Variants in SMC5 observed in about 807,000 individuals in gnomAD.
SMC5 encodes structural maintenance of chromosomes protein 5.
A neutral mutation model predicts 148.3 loss-of-function variants in SMC5; 88 were observed. That is an observed-to-expected ratio of 0.59 (90% CI 0.50 to 0.71). The LOEUF is 0.71. Ranked by LOEUF, SMC5 falls within the 30% of genes least tolerant of loss-of-function variation. The probability of loss-of-function intolerance (pLI) is 0.00; values close to 1 mark genes in which losing one functional copy is unlikely to be tolerated. For missense variants in SMC5, 1,142 were observed against 1,298.9 expected (o/e 0.88, Z 1.86); for synonymous variants, 421 against 432.8 (o/e 0.97, Z 0.34).
intron 10 of SMC5, among the ~76,000 whole-genome samples, chr9:70,304,688 A>C (rs982906835): frequency 6.6e-6 from 1 of 152,212 alleles, no homozygotes; most frequent in Non-Finnish European, 1.5e-5. Context: ...CTGTCTCAAA[A>C]AAATAAAAAA....
Position 70,353,307 on chromosome 9 carries a change from T to G in SMC5, c.*976T>G, listed in dbSNP as rs957568623. On this transcript the variant is annotated 3_prime_UTR_variant, in exon 25 of 25. Transcript: ENST00000361138. ...TTAGAACTTAAGCCTATAGGGCCTT[T>G]CTTACAATGTTGATGTACCCATTAT... 6 of 152,182 alleles carry G rather than the reference T, an allele frequency of 3.9e-5. No homozygotes were observed. The highest frequency in any genetic ancestry group is 1.4e-4 in the African/African-American group (6 of 41,448). 9.4% of individuals were successfully genotyped at this position (152,182 alleles called of 1,614,324 possible).
intron 24 of SMC5, among the ~76,000 whole-genome samples, chr9:70,351,743 G>T (rs1009025246): frequency 1.3e-5 from 2 of 152,112 alleles, no homozygotes; most frequent in African/African-American, 4.8e-5. Context: ...AAGGATTACA[G>T]TCTGGCAAGG....
chr9:70,310,162 A>G (rs2035620465), intron 11 of SMC5, among the ~76,000 whole-genome samples: 1 of 152,168 alleles, frequency 6.6e-6, no homozygotes, highest in African/African-American at 2.4e-5. Flanking sequence ...AATCTTTTTT[A>G]GAAGGCTTTT....
chr9:70,269,626 C>T (rs2034390766), intron 3 of SMC5, among the ~76,000 whole-genome samples: 2 of 152,064 alleles, frequency 1.3e-5, no homozygotes, highest in Non-Finnish European at 1.5e-5. Flanking sequence ...TAAATTAATA[C>T]ATACATTTGA....
chr9:70,304,981 A>G (rs2035458400), intron 10 of SMC5, among the ~76,000 whole-genome samples: 1 of 152,220 alleles, frequency 6.6e-6, no homozygotes, highest in South Asian at 2.1e-4. Flanking sequence ...TGAGTTGACT[A>G]GAAAGGAACT....
Position 70,300,027 on chromosome 9 carries a change from T to C in SMC5, c.1310-19T>C, listed in dbSNP as rs779280511. ...AAATTTTCAGAGAAACAAGACTTTGTTTTGTTTTACAATTTTAGGTGTGGA... is the reference window on the plus strand; with the variant it reads ...AAATTTTCAGAGAAACAAGACTTTGCTTTGTTTTACAATTTTAGGTGTGGA... On this transcript the variant is annotated intron_variant, in intron 9 of 24. Transcript: ENST00000361138. The C allele has an allele frequency of 5.8e-6, 9 of 1,542,020 alleles. No homozygotes were observed. In the Admixed American group the frequency reaches 1.4e-4, roughly 24 times the overall value.
In SMC5 at chr9:70,352,538, G is replaced by A. The variant is rs1328422702; in HGVS notation, c.*207G>A. 2.1e-6 allele frequency: 1 copy of A among 483,746 alleles called. No homozygotes were observed. The highest frequency in any genetic ancestry group is 3.6e-6 in the Non-Finnish European group (1 of 278,710). The allele number at this position is 483,746 out of a possible 1,614,324, so 30.0% of individuals were successfully genotyped here. The stretch of plus-strand genomic sequence containing the variant: ...AAAAGTTAAGTCTTCTTCAGTCTTG[G>A]TTGAACTTGAGTTCTTGGCACTCTG... On this transcript the variant is annotated 3_prime_UTR_variant, in exon 25 of 25. Transcript: ENST00000361138.
chr9:70,266,411 C>T (rs1332894248), intron 2 of SMC5, among the ~76,000 whole-genome samples: 1 of 152,136 alleles, frequency 6.6e-6, no homozygotes, highest in Admixed American at 6.5e-5. Context: ...CAAGGACCAA[C>T]TCAGATTTTT....
In SMC5 at chr9:70,301,496, A is replaced by G. The variant is rs148567229; in HGVS notation, c.1464+1296A>G. On this transcript the variant is annotated intron_variant, in intron 10 of 24. Coordinates refer to ENST00000361138, the MANE Select transcript of SMC5 (RefSeq NM_015110.4). ...ACTCACCTTTCTAGGTCTAGTTGAA[A>G]TGCCCCTACCATCATACACAAGTGA... is the stretch of plus-strand genomic sequence containing the variant. Among the ~76,000 whole-genome samples, 9 of 152,290 alleles carry G rather than the reference A, an allele frequency of 5.9e-5. No individual in the cohort carries two copies. In the East Asian group the frequency reaches 1.7e-3, roughly 29 times the overall value.
At chr9:70,283,091 A>G (rs904950062) in intron 7 of SMC5, among the ~76,000 whole-genome samples, 1 of 152,258 alleles carries the variant, frequency 6.6e-6, no homozygotes, top group Non-Finnish European at 1.5e-5. Context: ...ATAACGCAGT[A>G]TAGGCAGATC....
chr9:70,300,148 GA>G lies in SMC5; in HGVS notation c.1415del (p.Asn472IlefsTer14), dbSNP rs2035319786. 1 of 1,601,890 alleles carries G rather than the reference GA, an allele frequency of 6.2e-7. No individual in the cohort carries two copies. Among genetic ancestry groups the G allele is most frequent in the South Asian group, 1.1e-5 (1 of 88,354 alleles). ...ACGTATGATGCTGTTTTATGGCTAA[GA>G]AATAACAGAGACAAATTTAAACAAA... The part of the protein sequence containing the change: ...RDTYDAVLWL[R>X]NNRDKFKQRV... On this transcript the variant is annotated frameshift_variant, in exon 10 of 25. Transcript: ENST00000361138. LOFTEE classifies it high-confidence loss of function.
At chr9:70,267,829 A>G (rs752705235) in intron 2 of SMC5, 94 bp from the exon 3 acceptor site, 45 of 1,172,016 alleles carry the variant, frequency 3.8e-5, no homozygotes, top group Non-Finnish European at 5.4e-5. Flanking sequence ...CCTGAAAAAA[A>G]TCTTGATTTG....
rs529979046 is a variant in SMC5, at chr9:70,305,139, G to GT, written c.1465-102dup. The GT allele has an allele frequency of 1.9e-4, 102 of 548,422 alleles. 1 individual carries two copies. In the Admixed American group the frequency reaches 2.6e-3, roughly 14 times the overall value. 34.0% of individuals were successfully genotyped at this position (548,422 alleles called of 1,614,324 possible). A position where few individuals can be genotyped will look rare whatever the true frequency, so the allele number is the denominator to read the frequency against. ...GTACCAAGTTCTTTTTTTTTATCTT[G>GT]TTTTTTCTCAAGTATTACAATCTAA... On this transcript the variant is annotated intron_variant, in intron 10 of 24. Transcript: ENST00000361138.
chr9:70,336,918 G>T (rs1195187875), intron 17 of SMC5, among the ~76,000 whole-genome samples: 5 of 152,220 alleles, frequency 3.3e-5, no homozygotes, highest in Non-Finnish European at 7.3e-5. Flanking sequence ...AGTTCCATAT[G>T]GCTGGGGAGG....
chr9:70,325,911 A>T (rs1222604703), intron 17 of SMC5, among the ~76,000 whole-genome samples: 1 of 152,174 alleles, frequency 6.6e-6, no homozygotes, highest in Non-Finnish European at 1.5e-5. Flanking sequence ...AGATATTTGC[A>T]TAATAATAAA....
At chr9:70,326,274 G>A (rs2036072514) in intron 17 of SMC5, among the ~76,000 whole-genome samples, 1 of 152,094 alleles carries the variant, frequency 6.6e-6, no homozygotes, top group African/African-American at 2.4e-5. Context: ...ATTGGACTGT[G>A]GTGATGTTTA....
In SMC5 at chr9:70,298,188, A is replaced by G; in HGVS notation, c.1276A>G (p.Arg426Gly). ...LCEGEIIDKRRERETLEKEKK... is the reference protein window; with the variant it reads ...LCEGEIIDKRGERETLEKEKK... ...TGAAGGCGAAATAATTGATAAGCGA[A>G]GAGAGAGGGAAACTCTAGAGAAGGA... The change falls in exon 9 of 25, where the codon AGA (arginine) becomes GGA (glycine). Residue 426 changes from arginine to glycine, a missense_variant. By Grantham distance (125) the Arg-to-Gly change is moderately radical. Around this residue, in one of 5 missense-constraint regions of SMC5, gnomAD observed 743 missense variants for 835.7 expected, o/e 0.89. Coordinates refer to ENST00000361138, the MANE Select transcript of SMC5 (RefSeq NM_015110.4). The G allele has an allele frequency of 6.2e-7, 1 of 1,613,884 alleles. No homozygotes were observed. Among genetic ancestry groups the G allele is most frequent in the Non-Finnish European group, 8.5e-7 (1 of 1,179,884 alleles).
At chr9:70,269,132 A>G (rs2034375377) in intron 3 of SMC5, among the ~76,000 whole-genome samples, 1 of 152,220 alleles carries the variant, frequency 6.6e-6, no homozygotes, top group Admixed American at 6.5e-5. Context: ...TTATTTATAT[A>G]GAGATGAGAA....
intron 8 of SMC5, among the ~76,000 whole-genome samples, chr9:70,288,571 C>T (rs925362620): frequency 1.3e-5 from 2 of 151,530 alleles, no homozygotes; most frequent in Admixed American, 6.6e-5. Flanking sequence ...TTCATCTTTC[C>T]TAATTTTTAA....
Sources: allele counts gnomAD v4.1 joint callset (sites outside exome capture counted in the v4.1 genomes callset), GRCh38; gene constraint gnomAD v4.1.1; regional missense constraint gnomAD v4.1.1; transcripts MANE v1.5; gene names NCBI Gene and HGNC (gene_info 2026-07-23, HGNC 2026-07-21).